The following HACL1 variants were observed in gnomAD, a reference collection of about 807,000 sequenced individuals.
The protein encoded by HACL1 is 1600020H07Rik.
HACL1 carries 64 observed loss-of-function variants against 74.2 expected under a neutral mutation model. That is an observed-to-expected ratio of 0.86 (90% CI 0.70 to 1.06). HACL1 has a LOEUF of 1.06. Ranked by LOEUF, HACL1 falls within the 50% of genes least tolerant of loss-of-function variation. The pLI, the probability that HACL1 is intolerant of heterozygous loss-of-function variation, is 0.00. For missense variants in HACL1, 728 were observed against 719.7 expected (o/e 1.01, Z -0.13); for synonymous variants, 230 against 238.8 (o/e 0.96, Z 0.34).
intron 6 of HACL1, among the ~76,000 whole-genome samples, chr3:15,585,824 CA>C (rs1433593988): frequency 6.6e-6 from 1 of 152,044 alleles, no homozygotes; most frequent in African/African-American, 2.4e-5. Flanking sequence ...TCCAAAAATC[CA>C]AAATCTTCCA....
intron 15 of HACL1, 48 bp from the exon 16 acceptor site, chr3:15,563,592 T>A: frequency 1.6e-6 from 2 of 1,251,758 alleles, no homozygotes; most frequent in African/African-American, 3.0e-5. Flanking sequence ...TTAAACCTTG[T>A]AGAAAAAAAG....
At chr3:15,592,012 A>G (rs898367068) in intron 3 of HACL1, among the ~76,000 whole-genome samples, 2 of 147,016 alleles carry the variant, frequency 1.4e-5, no homozygotes, top group African/African-American at 5.0e-5. Context: ...CTATATACGT[A>G]TATATACACA....
At chr3:15,590,276 T>G (rs1335331981) in intron 4 of HACL1, among the ~76,000 whole-genome samples, 2 of 151,954 alleles carry the variant, frequency 1.3e-5, no homozygotes, top group African/African-American at 4.8e-5. Flanking sequence ...AGTGAATCTA[T>G]TTAGAAATTG....
intron 10 of HACL1, 143 bp downstream of exon 10, chr3:15,574,834 T>TA: frequency 2.1e-6 from 1 of 481,806 alleles, no homozygotes; most frequent in Middle Eastern, 3.0e-4. Context: ...ATAATTATGT[T>TA]AGACAATTTG....
intron 7 of HACL1, 99 bp from the exon 8 acceptor site, chr3:15,583,088 A>C (rs574457061): frequency 1.6e-6 from 1 of 622,916 alleles, no homozygotes; most frequent in Admixed American, 3.1e-5. Context: ...TAGTACAATA[A>C]ATCTCCATAC....
At chr3:15,595,604 C>CTTTTTTTT (rs764183329) in intron 3 of HACL1, among the ~76,000 whole-genome samples, 30 of 97,330 alleles carry the variant, frequency 3.1e-4, no homozygotes, top group Non-Finnish European at 4.5e-4. Flanking sequence ...ATCTTTTTTC[C>CTTTTTTTT]TTTTTTTTTT....
At chr3:15,587,561 T>A (rs1188243462) in intron 5 of HACL1, among the ~76,000 whole-genome samples, 1 of 152,138 alleles carries the variant, frequency 6.6e-6, no homozygotes, top group Non-Finnish European at 1.5e-5. Context: ...TCTAATAAAC[T>A]ATTATTTTCC....
Position 15,567,787 on chromosome 3 carries a change from T to A in HACL1, c.1409+57A>T. 2.7e-6 allele frequency: 4 copies of A among 1,480,434 alleles called. No individual in the cohort carries two copies. The South Asian group carries it at 4.6e-5, about 17-fold the overall frequency. The allele number at this position is 1,480,434 out of a possible 1,614,324, so 91.7% of individuals were successfully genotyped here. Reference sequence around the variant, plus strand: ...GTATTTGTCAGGTGACTGGGTCTTGTGTGTCATTTTTCATATTCTAGAGAA... The same window carrying A: ...GTATTTGTCAGGTGACTGGGTCTTGAGTGTCATTTTTCATATTCTAGAGAA... On this transcript the variant is annotated intron_variant, in intron 14 of 16. Transcript: ENST00000321169.
intron 4 of HACL1, among the ~76,000 whole-genome samples, chr3:15,590,893 C>G (rs1481960812): frequency 6.6e-6 from 1 of 152,158 alleles, no homozygotes; most frequent in African/African-American, 2.4e-5. Flanking sequence ...CCAGCCTGGC[C>G]AGCATGGTGA....
intron 3 of HACL1, among the ~76,000 whole-genome samples, chr3:15,593,782 GTT>G (rs200160002): frequency 0.11 from 13,413 of 123,616 alleles, 855 homozygotes; most frequent in East Asian, 0.39. Flanking sequence ...AATGTTTTGT[GTT>G]TTTTTTTTTG....
At position 15,575,074 on chromosome 3, in the gene HACL1, T is replaced by G. The variant is rs1479119519; in HGVS notation, c.812A>C (p.Gln271Pro). The change falls in exon 10 of 17, where the codon CAA becomes CCA. Residue 271 changes from glutamine to proline, a missense_variant. Transcript: ENST00000321169. ...AAATAACACAATTACATCAGCAAATTGCAAAGCCCTATTAAAAAAATTGAT... is the reference window on the plus strand; with the variant it reads ...AAATAACACAATTACATCAGCAAATGGCAAAGCCCTATTAAAAAAATTGAT... ...CVGAARSRAL[Q>P]FADVIVLFGA... 1 of 1,539,984 alleles carries G rather than the reference T, an allele frequency of 6.5e-7. No homozygotes were observed. The highest frequency in any genetic ancestry group is 9.0e-7 in the Non-Finnish European group (1 of 1,115,628).
Position 15,573,086 on chromosome 3 carries a change from A to C in HACL1, c.993+73T>G, listed in dbSNP as rs965539822. The C allele has an allele frequency of 1.7e-5, 14 of 842,070 alleles. No homozygotes were observed. The Admixed American group carries it at 2.5e-4, about 15-fold the overall frequency. 52.2% of individuals were successfully genotyped at this position (842,070 alleles called of 1,614,324 possible). ...TAGTAGACCCGTTACCAAGTGAATC[A>C]AGATTAAAACATTTTCAAGAATTGA... On this transcript the variant is annotated intron_variant, in intron 11 of 16. Transcript: ENST00000321169.
chr3:15,567,352 G>A (rs1175220560), intron 14 of HACL1, among the ~76,000 whole-genome samples: 1 of 151,442 alleles, frequency 6.6e-6, no homozygotes, highest in African/African-American at 2.4e-5. Context: ...TGGGATTACA[G>A]GCATGCATCA....
intron 12 of HACL1, 54 bp downstream of exon 12, chr3:15,571,612 AAG>A: frequency 3.6e-6 from 3 of 824,508 alleles, no homozygotes; most frequent in Non-Finnish European, 6.5e-6. Context: ...ATTACGGCAG[AAG>A]TAACTGAATC....
At chr3:15,571,820 CTTTT>C (rs759202943) in intron 11 of HACL1, 51 bp from the exon 12 acceptor site, 6,215 of 307,126 alleles carry the variant, frequency 0.02, 59 homozygotes, top group Middle Eastern at 0.031. Flanking sequence ...TTTTCTTTGC[CTTTT>C]TTTTCTTTTT....
intron 6 of HACL1, 134 bp from the exon 7 acceptor site, chr3:15,585,476 T>C: frequency 1.7e-6 from 1 of 597,032 alleles, no homozygotes. Context: ...AAAATAATTA[T>C]GATGAAAATC....
chr3:15,576,154 C>CAAA (rs1185744343), intron 9 of HACL1, among the ~76,000 whole-genome samples: 20 of 62,394 alleles, frequency 3.2e-4, no homozygotes, highest in Admixed American at 9.5e-4. Context: ...GACTCTGTCT[C>CAAA]AAAAAAAAAA....
intron 10 of HACL1, among the ~76,000 whole-genome samples, chr3:15,574,135 T>TAGGAGAATTGCTTGAGGCC (rs1401751587): frequency 5.9e-5 from 9 of 151,990 alleles, no homozygotes; most frequent in African/African-American, 2.2e-4. Flanking sequence ...GAGGCTGAGG[T>TAGGAGAATTGCTTGAGGCC]AGGAGAATTG....
chr3:15,586,684 A>G (rs1436520834), intron 5 of HACL1, 82 bp from the exon 6 acceptor site: 1 of 810,122 alleles, frequency 1.2e-6, no homozygotes, highest in African/African-American at 1.7e-5. Flanking sequence ...TTAAGTCATT[A>G]ATTTCTTTTA....
Sources: gnomAD v4.1 joint callset for allele counts (sites outside exome capture counted in the v4.1 genomes callset) on GRCh38, gnomAD v4.1.1 for gene constraint, MANE v1.5 for transcripts, NCBI Gene and HGNC (gene_info 2026-07-23, HGNC 2026-07-21) for gene names.